FAT4: variants seen among roughly 807,000 people sequenced by gnomAD.
FAT4 encodes the protein FAT atypical cadherin 4.
FAT4 carries 84 observed loss-of-function variants against 303.9 expected under a neutral mutation model. The observed-to-expected ratio is 0.28, with a 90% CI of 0.23 to 0.33. The LOEUF (loss-of-function observed/expected upper bound fraction) is 0.33, where lower values mean the gene tolerates loss of function less well. Ranked by LOEUF, FAT4 falls within the 10% of genes least tolerant of loss-of-function variation. The pLI, the probability that FAT4 is intolerant of heterozygous loss-of-function variation, is 1.00. For synonymous variants in FAT4, 2,307 were observed against 2,298.8 expected (o/e 1.00, Z -0.10); for missense variants, 6,005 against 6,146.8 (o/e 0.98, Z 0.77).
At chr4:125,446,034 G>A (rs1157953708) in intron 8 of FAT4, 2 of 289,644 alleles carry the variant, frequency 6.9e-6, no homozygotes, top group African/African-American at 2.2e-5. Context: ...TGGTGGCCTT[G>A]CACAACTTAA....
intron 5 of FAT4, among the ~76,000 whole-genome samples, chr4:125,410,128 ATACT>A (rs557019735): frequency 2.5e-4 from 38 of 152,262 alleles, no homozygotes; most frequent in Non-Finnish European, 4.4e-4. Context: ...AAAATGGGAA[ATACT>A]TTCTTTAGAA....
At chr4:125,439,364 G>A (rs1348030847) in intron 8 of FAT4, among the ~76,000 whole-genome samples, 1 of 147,456 alleles carries the variant, frequency 6.8e-6, no homozygotes, top group Admixed American at 6.8e-5. Context: ...ATGGAGTCTC[G>A]CTCTGTCACC....
intron 2 of FAT4, among the ~76,000 whole-genome samples, chr4:125,325,777 T>G (rs1234454309): frequency 6.6e-6 from 1 of 152,232 alleles, no homozygotes; most frequent in East Asian, 1.9e-4. Flanking sequence ...TTTGTTTGTT[T>G]TACTGTGAGT....
At chr4:125,383,458 T>C (rs1733615324) in intron 2 of FAT4, among the ~76,000 whole-genome samples, 1 of 152,138 alleles carries the variant, frequency 6.6e-6, no homozygotes. Context: ...CTGTCTTATA[T>C]GGGTGCAGCT....
At chr4:125,399,610 T>A (rs2126013350) in intron 3 of FAT4, among the ~76,000 whole-genome samples, 1 of 152,124 alleles carries the variant, frequency 6.6e-6, no homozygotes, top group South Asian at 2.1e-4. Flanking sequence ...TATCAGAAAC[T>A]TGATTCCTGG....
At chr4:125,331,312 T>C (rs985585851) in intron 2 of FAT4, among the ~76,000 whole-genome samples, 26 of 152,222 alleles carry the variant, frequency 1.7e-4, no homozygotes, top group Non-Finnish European at 2.9e-4. Flanking sequence ...TTGATAATGC[T>C]GCAAATATGC....
chr4:125,482,775 A>G (rs1051497160), intron 16 of FAT4, among the ~76,000 whole-genome samples: 32 of 152,196 alleles, frequency 2.1e-4, no homozygotes, highest in Admixed American at 9.8e-4. Context: ...GTTCACTTCT[A>G]AACTTCAGCC....
intron 2 of FAT4, among the ~76,000 whole-genome samples, chr4:125,377,216 A>T (rs1733364131): frequency 6.6e-6 from 1 of 152,074 alleles, no homozygotes; most frequent in African/African-American, 2.4e-5. Flanking sequence ...TTGATCAAAA[A>T]CTTACTTCAT....
chr4:125,386,094 CCTT>C (rs767522285), intron 2 of FAT4, among the ~76,000 whole-genome samples: 7 of 152,240 alleles, frequency 4.6e-5, no homozygotes, highest in South Asian at 2.1e-4. Context: ...TGGTTCACCT[CCTT>C]CTTAATTTGC....
intron 2 of FAT4, among the ~76,000 whole-genome samples, chr4:125,338,027 GC>G (rs1258350695): frequency 3.3e-5 from 5 of 152,216 alleles, no homozygotes; most frequent in African/African-American, 1.2e-4. Context: ...TTCTTCATTT[GC>G]ATAGATGCTG....
intron 5 of FAT4, among the ~76,000 whole-genome samples, chr4:125,409,451 T>G (rs1734762402): frequency 6.6e-6 from 1 of 152,054 alleles, no homozygotes; most frequent in Non-Finnish European, 1.5e-5. Flanking sequence ...AGACGGGGTT[T>G]CTCCATGTTG....
rs1403105908 is a variant in FAT4, at chr4:125,487,605, A to G, written c.13083A>G (p.Thr4361=). Reference sequence around the variant, plus strand: ...ATCAAGCACATCGAGATGCCCAAACAGGTAAATGCCTTTATTAAGTAGAGT... The same window carrying G: ...ATCAAGCACATCGAGATGCCCAAACGGGTAAATGCCTTTATTAAGTAGAGT... ...PPNQAHRDAQ[T]AGFDGCIASM... is the part of the protein sequence containing the mutation. The change falls in exon 17 of 18, where the codon ACA becomes ACG. Residue 4361 remains threonine (T), a splice_region_variant and synonymous_variant. Coordinates refer to ENST00000394329, the MANE Select transcript of FAT4 (RefSeq NM_001291303.3). 6.3e-7 allele frequency: 1 copy of G among 1,597,654 alleles called. No homozygotes were observed. Among genetic ancestry groups the G allele is most frequent in the Non-Finnish European group, 8.5e-7 (1 of 1,171,420 alleles).
At chr4:125,401,264 G>A (rs895067806) in intron 3 of FAT4, among the ~76,000 whole-genome samples, 1 of 151,988 alleles carries the variant, frequency 6.6e-6, no homozygotes, top group Non-Finnish European at 1.5e-5. Context: ...GGCTGCCTAT[G>A]GCATTTAGAA....
chr4:125,450,170 A>C lies in FAT4; in HGVS notation c.9160A>C (p.Asn3054His). The stretch of plus-strand genomic sequence containing the variant: ...AGCATCCTCCCTGATTTCTGACTTG[A>C]ACCAAAACTTTTTTATCACAGTCAC... ...SVASSLISDLNQNFFITVTAK... is the reference protein window; with the variant it reads ...SVASSLISDLHQNFFITVTAK... Residue 3054 changes from asparagine (N) to histidine (H), a missense_variant, in exon 10 of 18, where the codon AAC (asparagine) becomes CAC (histidine). By Grantham distance (68) the Asn-to-His change is moderately conservative. Transcript: ENST00000394329. 6.2e-7 allele frequency: 1 copy of C among 1,613,764 alleles called. No homozygotes were observed. The highest frequency in any genetic ancestry group is 8.5e-7 in the Non-Finnish European group (1 of 1,179,982).
chr4:125,444,037 T>C (rs1255203952), intron 8 of FAT4, among the ~76,000 whole-genome samples: 1 of 152,132 alleles, frequency 6.6e-6, no homozygotes, highest in Non-Finnish European at 1.5e-5. Context: ...AATGACTATT[T>C]GCTCATTCAT....
Position 125,448,873 on chromosome 4 carries a change from G to A in FAT4, c.7863G>A (p.Gly2621=), listed in dbSNP as rs1236585014. 2 of 1,608,746 alleles carry A rather than the reference G, an allele frequency of 1.2e-6. No individual in the cohort carries two copies. The highest frequency in any genetic ancestry group is 2.2e-5 in the South Asian group (2 of 90,958). The part of the protein sequence containing the change: ...GNTFQIDQLT[G]QVSISQPLDF... ...CTTTCCAGATTGATCAGTTAACAGG[G>A]CAGGTGTCTATTAGTCAACCTCTGG... is the stretch of plus-strand genomic sequence containing the variant. Residue 2621 remains glycine, a synonymous_variant, in exon 10 of 18, where the codon GGG becomes GGA. Transcript: ENST00000394329.
At chr4:125,437,048 T>C (rs1311515466) in intron 8 of FAT4, among the ~76,000 whole-genome samples, 2 of 151,988 alleles carry the variant, frequency 1.3e-5, no homozygotes, top group African/African-American at 4.8e-5. Flanking sequence ...TGAGATGGGG[T>C]TTCACCATGT....
chr4:125,440,045 C>A (rs548652472), intron 8 of FAT4, among the ~76,000 whole-genome samples: 4 of 152,288 alleles, frequency 2.6e-5, no homozygotes, highest in Admixed American at 2.6e-4. Flanking sequence ...ATAGAAGTCA[C>A]TAAATTAATT....
chr4:125,490,251 A>G lies in FAT4; in HGVS notation c.13435A>G (p.Lys4479Glu). The change falls in exon 18 of 18, where the codon AAG (lysine) becomes GAG (glutamate). Residue 4479 changes from lysine (K) to glutamate (E), a missense_variant. Coordinates refer to ENST00000394329, the MANE Select transcript of FAT4 (RefSeq NM_001291303.3). ...ACLGVLCPQG[K>E]VCKAGSPAGH... ...TCTTGGCGTCCTCTGTCCTCAGGGG[A>G]AGGTGTGCAAAGCTGGAAGTCCTGC... is the stretch of plus-strand genomic sequence containing the variant. The G allele has an allele frequency of 1.2e-6, 2 of 1,613,996 alleles. No individual in the cohort carries two copies. The highest frequency in any genetic ancestry group is 2.2e-5 in the South Asian group (2 of 91,070).
Sources: gnomAD v4.1 joint callset for allele counts (sites outside exome capture counted in the v4.1 genomes callset) on GRCh38, gnomAD v4.1.1 for gene constraint, MANE v1.5 for transcripts, NCBI Gene and HGNC (gene_info 2026-07-23, HGNC 2026-07-21) for gene names.